KIAA1671: variants seen among roughly 807,000 people sequenced by gnomAD.
KIAA1671 encodes KIAA1671, also known as uncharacterized protein KIAA1671.
A neutral mutation model predicts 131.2 loss-of-function variants in KIAA1671; 52 were observed. The observed-to-expected ratio is 0.40, with a 90% CI of 0.32 to 0.50. KIAA1671 has a LOEUF of 0.50. Among genes scored for constraint, KIAA1671 ranks in the 20% least tolerant of loss-of-function variants. The probability of loss-of-function intolerance (pLI) is 0.73; values close to 1 mark genes in which losing one functional copy is unlikely to be tolerated. For missense variants in KIAA1671, 2,360 were observed against 2,364.2 expected, an observed-to-expected ratio of 1.00 and a Z score of 0.04; for synonymous variants, 1,003 against 961.6, an observed-to-expected ratio of 1.04 and a Z score of -0.80.
At chr22:25,150,439 C>G (rs1932995728) in intron 6 of KIAA1671, among the ~76,000 whole-genome samples, 1 of 152,318 alleles carries the variant, frequency 6.6e-6, no homozygotes, top group Non-Finnish European at 1.5e-5. Flanking sequence ...CCTCTGAGCC[C>G]TTTCCCTGTG....
At chr22:24,958,169 C>A (rs994588292) in intron 1 of KIAA1671, among the ~76,000 whole-genome samples, 28 of 151,916 alleles carry the variant, frequency 1.8e-4, no homozygotes, top group Non-Finnish European at 3.4e-4. Flanking sequence ...TTGCATGGCT[C>A]CCAACACAAG....
At chr22:25,025,385 C>T (rs893645355) in intron 1 of KIAA1671, among the ~76,000 whole-genome samples, 89 of 152,264 alleles carry the variant, frequency 5.8e-4, no homozygotes, top group African/African-American at 2.0e-3. Context: ...CATCTTTGTA[C>T]ACACCGTAGG....
rs1041612006 is a variant in KIAA1671, at chr22:25,083,672, T to G, written c.4530+34308T>G. On this transcript the variant is annotated intron_variant, in intron 6 of 12. Transcript: ENST00000358431. ...GGAGCCTGCACTGTGTTAGTTTATG[T>G]CTTTAATTTGACCTTAATCCTAGGG... Among the ~76,000 whole-genome samples the G allele has an allele frequency of 3.9e-5, 6 of 152,354 alleles. No homozygotes were observed. The East Asian group carries it at 1.2e-3, about 29-fold the overall frequency.
At chr22:25,132,915 C>T (rs1001765389) in intron 6 of KIAA1671, among the ~76,000 whole-genome samples, 1 of 152,002 alleles carries the variant, frequency 6.6e-6, no homozygotes, top group Non-Finnish European at 1.5e-5. Context: ...ATTAGCGGGG[C>T]GTGGTGGCAG....
At chr22:25,007,390 G>T (rs1045572176) in intron 1 of KIAA1671, among the ~76,000 whole-genome samples, 1 of 151,922 alleles carries the variant, frequency 6.6e-6, no homozygotes, top group Non-Finnish European at 1.5e-5. Flanking sequence ...GGAAGCTGAG[G>T]CAGGAGCATC....
chr22:25,182,280 CCCTT>C (rs1262954815), intron 10 of KIAA1671, among the ~76,000 whole-genome samples: 2 of 151,686 alleles, frequency 1.3e-5, no homozygotes, highest in Non-Finnish European at 2.9e-5. Flanking sequence ...CTTCCTCCCT[CCCTT>C]CCTACCTCTT....
chr22:25,100,129 G>A (rs953088738), intron 6 of KIAA1671, among the ~76,000 whole-genome samples: 1 of 152,206 alleles, frequency 6.6e-6, no homozygotes. Context: ...AGAGAGGAGG[G>A]GAGCATTGCC....
intron 6 of KIAA1671, among the ~76,000 whole-genome samples, chr22:25,149,273 C>T (rs140913784): frequency 1.9e-3 from 284 of 152,296 alleles, no homozygotes; most frequent in African/African-American, 5.8e-3. Context: ...AGCTCCAAGG[C>T]GCCTGCTGAC....
intron 1 of KIAA1671, among the ~76,000 whole-genome samples, chr22:24,965,032 C>A (rs144735346): frequency 4.6e-5 from 7 of 151,308 alleles, no homozygotes; most frequent in Non-Finnish European, 1.0e-4. Flanking sequence ...GACAAAATTT[C>A]TTCCATGAGG....
intron 6 of KIAA1671, among the ~76,000 whole-genome samples, chr22:25,071,283 G>A (rs1601283628): frequency 6.6e-6 from 1 of 152,332 alleles, no homozygotes; most frequent in East Asian, 1.9e-4. Context: ...CCATTGCTGA[G>A]TGTTTGCAAA....
At chr22:24,960,546 C>CA (rs56207857) in intron 1 of KIAA1671, among the ~76,000 whole-genome samples, 2,352 of 79,478 alleles carry the variant, frequency 0.03, 76 homozygotes, top group African/African-American at 0.084. Context: ...GACTCCGTCT[C>CA]AAAAAAAAAA....
intron 1 of KIAA1671, among the ~76,000 whole-genome samples, chr22:24,990,408 G>A (rs1353691616): frequency 3.3e-5 from 5 of 152,158 alleles, no homozygotes; most frequent in Non-Finnish European, 5.9e-5. Context: ...TGTCATGTGT[G>A]TTCCTCCCTA....
chr22:25,057,114 C>G (rs1927882371), intron 6 of KIAA1671: 1 of 152,378 alleles, frequency 6.6e-6, no homozygotes, highest in Admixed American at 6.5e-5. Flanking sequence ...GATTCTGAAC[C>G]TGAGGCTCAG....
intron 6 of KIAA1671, among the ~76,000 whole-genome samples, chr22:25,152,567 C>T (rs1933083721): frequency 6.6e-6 from 1 of 152,186 alleles, no homozygotes; most frequent in Non-Finnish European, 1.5e-5. Context: ...CCAATCCACC[C>T]TTCTGAAATT....
intron 6 of KIAA1671, among the ~76,000 whole-genome samples, chr22:25,126,004 G>A (rs1932167646): frequency 6.6e-6 from 1 of 152,248 alleles, no homozygotes; most frequent in Admixed American, 6.5e-5. Context: ...AGTTCACGGA[G>A]TTGTTACGAG....
Position 25,049,380 on chromosome 22 carries a change from T to A in KIAA1671, c.4530+16T>A. On this transcript the variant is annotated intron_variant, in intron 6 of 12. Transcript: ENST00000358431. Reference sequence around the variant, plus strand: ...GCCCTTTGTGGTGAGTGATGCAACATGGCTGGAGAGGATTGCACAGGGGTG... The same window carrying A: ...GCCCTTTGTGGTGAGTGATGCAACAAGGCTGGAGAGGATTGCACAGGGGTG... 3 of 1,545,814 alleles carry A rather than the reference T, an allele frequency of 1.9e-6. No individual in the cohort carries two copies. The highest frequency in any genetic ancestry group is 2.6e-6 in the Non-Finnish European group (3 of 1,142,292).
Position 25,028,462 on chromosome 22 carries a change from G to C in KIAA1671, c.463G>C (p.Ala155Pro). 6.5e-7 allele frequency: 1 copy of C among 1,550,346 alleles called. No homozygotes were observed. Among genetic ancestry groups the C allele is most frequent in the Non-Finnish European group, 8.7e-7 (1 of 1,146,528 alleles). ...CTTCGAAACCACCAAAAGCGGCCCC[G>C]CTCTGGGGAAGGCGGTTAGTGAGGG... is the stretch of plus-strand genomic sequence containing the variant. The part of the protein sequence containing the change: ...ILFETTKSGP[A>P]LGKAVSEGAE... The change falls in exon 3 of 13, where the codon GCT (alanine) becomes CCT (proline). Residue 155 changes from alanine to proline, a missense_variant. Ala to Pro is a conservative substitution (Grantham distance 27, BLOSUM62 -1). This residue lies in a region of KIAA1671 where 1,185 missense variants were observed against 1,126.2 expected (regional missense o/e 1.05). Coordinates refer to ENST00000358431, the MANE Select transcript of KIAA1671 (RefSeq NM_001145206.2).
rs1934283927 is a variant in KIAA1671, at chr22:25,181,761, A to T, written c.5137A>T (p.Thr1713Ser). Residue 1713 changes from threonine (T) to serine (S), a missense_variant, in exon 10 of 13, where the codon ACC becomes TCC. Thr to Ser is a moderately conservative substitution (Grantham distance 58). This residue lies in a region of KIAA1671 where 1,161 missense variants were observed against 1,204.7 expected (regional missense o/e 0.96). Transcript: ENST00000358431. Reference protein sequence around the residue: ...EEETASKAERTPVSHPQRMPA... With the variant: ...EEETASKAERSPVSHPQRMPA... ...GGAGACGGCATCCAAAGCTGAGAGG[A>T]CCCCTGTCAGCCATCCTCAGAGGAT... 5.2e-6 allele frequency: 8 copies of T among 1,551,150 alleles called. No homozygotes were observed. The highest frequency in any genetic ancestry group is 7.0e-6 in the Non-Finnish European group (8 of 1,146,868).
intron 1 of KIAA1671, among the ~76,000 whole-genome samples, chr22:25,017,481 CT>C (rs1325918340): frequency 6.6e-6 from 1 of 152,206 alleles, no homozygotes; most frequent in Admixed American, 6.5e-5. Flanking sequence ...GGAGTTACTT[CT>C]GCCCTGACCT....
Sources: gnomAD v4.1 joint callset for allele counts (sites outside exome capture counted in the v4.1 genomes callset) on GRCh38, gnomAD v4.1.1 for gene constraint, gnomAD v4.1.1 regional missense constraint, MANE v1.5 for transcripts, NCBI Gene and HGNC (gene_info 2026-07-23, HGNC 2026-07-21) for gene names.